The following DST variants were observed in gnomAD, a reference collection of about 807,000 sequenced individuals.
DST encodes the protein dystonin, also known as bullous pemphigoid antigen.
DST carries 253 observed loss-of-function variants against 875.2 expected under a neutral mutation model. The ratio of observed to expected loss-of-function variants is 0.29; its 90% CI spans 0.26 to 0.32. DST has a LOEUF of 0.32. DST is among the 10% of genes least tolerant of loss of function. The pLI, the probability that DST is intolerant of heterozygous loss-of-function variation, is 1.00. For missense variants in DST, 8,287 were observed against 9,111.6 expected (o/e 0.91, Z 3.68); for synonymous variants, 3,124 against 3,197.1 (o/e 0.98, Z 0.77).
chr6:56,552,510 A>T lies in DST; in HGVS notation c.16282T>A (p.Phe5428Ile). 6.2e-7 allele frequency: 1 copy of T among 1,613,944 alleles called. No individual in the cohort carries two copies. Among genetic ancestry groups the T allele is most frequent in the Non-Finnish European group, 8.5e-7 (1 of 1,179,880 alleles). ...LQKQKETIKA[F>I]LKKLEALMAS... is the part of the protein sequence containing the mutation. ...ATGAGGGCTTCTAGTTTCTTTAGAA[A>T]GGCTTTTATAGTTTCCTTTTGCTTT... The change falls in exon 61 of 104, where the codon TTT (phenylalanine) becomes ATT (isoleucine). Residue 5428 changes from phenylalanine to isoleucine, a missense_variant. This residue lies in a region of DST where 9 missense variants were observed against 25.2 expected (regional missense o/e 0.36). Coordinates refer to ENST00000680361, the MANE Select transcript of DST (RefSeq NM_001374736.1).
chr6:56,640,107 G>A, intron 18 of DST, 36 bp downstream of exon 18: 12 of 1,613,280 alleles, frequency 7.4e-6, no homozygotes, highest in Non-Finnish European at 9.3e-6. Context: ...TAACAATAAA[G>A]ACTGAAACAC....
At chr6:56,584,076 G>A (rs1443914979) in intron 49 of DST, among the ~76,000 whole-genome samples, 4 of 152,092 alleles carry the variant, frequency 2.6e-5, no homozygotes, top group African/African-American at 9.7e-5. Context: ...GGCGATGCGG[G>A]CTCTTTTTTG....
chr6:56,562,324 A>C, intron 55 of DST, 124 bp from the exon 56 acceptor site: 1 of 524,920 alleles, frequency 1.9e-6, no homozygotes, highest in Non-Finnish European at 3.2e-6. Context: ...CAACTTCAAA[A>C]TCAAATGAAG....
At chr6:56,677,823 A>T (rs1050514260) in intron 9 of DST, among the ~76,000 whole-genome samples, 1 of 152,118 alleles carries the variant, frequency 6.6e-6, no homozygotes, top group Non-Finnish European at 1.5e-5. Flanking sequence ...TCTGGGCTTT[A>T]TCTCTCCTGA....
At chr6:56,490,006 C>A (rs1434645805) in intron 85 of DST, among the ~76,000 whole-genome samples, 1 of 152,014 alleles carries the variant, frequency 6.6e-6, no homozygotes, top group African/African-American at 2.4e-5. Flanking sequence ...TCTGGGTTTA[C>A]TTCTAGGGAA....
Position 56,636,566 on chromosome 6 carries a change from C to T in DST, c.3051G>A (p.Ala1017=), listed in dbSNP as rs143352267. 140 of 1,612,630 alleles carry T rather than the reference C, an allele frequency of 8.7e-5. No homozygotes were observed. In the African/African-American group the frequency reaches 1.5e-3, roughly 18 times the overall value. ...GATTCTACTCACATACCTCGAAATA[C>T]GCTGTGTTCTCCTTTATGTGCTGCT... ...CVEQHIKENT[A]YFEFFNDAKE... Residue 1017 remains alanine, a synonymous_variant, in exon 23 of 104, where the codon GCG becomes GCA. Transcript: ENST00000680361.
chr6:56,808,806 A>C (rs1420236056), intron 4 of DST, among the ~76,000 whole-genome samples: 1 of 152,252 alleles, frequency 6.6e-6, no homozygotes, highest in Non-Finnish European at 1.5e-5. Flanking sequence ...GCACAAGCTA[A>C]TAATAGAAAC....
At chr6:56,474,210 G>A (rs1562225326) in intron 92 of DST, 1 of 427,970 alleles carries the variant, frequency 2.3e-6, no homozygotes, top group Non-Finnish European at 4.2e-6. Context: ...GTGGCCAGGT[G>A]CAGTGGCTCA....
In DST at chr6:56,625,253, T is replaced by C; in HGVS notation, c.4734A>G (p.Leu1578=). The C allele has an allele frequency of 6.2e-7, 1 of 1,610,062 alleles. No individual in the cohort carries two copies. Among genetic ancestry groups the C allele is most frequent in the Non-Finnish European group, 8.5e-7 (1 of 1,176,424 alleles). ...QYSATVKDYE[L]QTMTYRAMVD... Reference sequence around the variant, plus strand: ...CCATGGCCCGGTAGGTCATTGTTTGTAATTCATAGTCCTGTATAAAGGAGT... The same window carrying C: ...CCATGGCCCGGTAGGTCATTGTTTGCAATTCATAGTCCTGTATAAAGGAGT... The change falls in exon 35 of 104, where the codon TTA becomes TTG. Residue 1578 remains leucine, a synonymous_variant. Transcript: ENST00000680361.
chr6:56,879,411 C>A (rs1781009305), intron 3 of DST, among the ~76,000 whole-genome samples: 1 of 151,306 alleles, frequency 6.6e-6, no homozygotes, highest in Admixed American at 6.6e-5. Flanking sequence ...GTGGAGTTTG[C>A]AGTGAGCAGA....
chr6:56,719,096 CT>C (rs1385862904), intron 5 of DST, among the ~76,000 whole-genome samples: 2 of 152,014 alleles, frequency 1.3e-5, no homozygotes, highest in Non-Finnish European at 2.9e-5. Flanking sequence ...AGTCACACTC[CT>C]TTTGAAAAAA....
At chr6:56,925,418 GGAGT>G (rs1176197235) in intron 2 of DST, among the ~76,000 whole-genome samples, 1 of 152,198 alleles carries the variant, frequency 6.6e-6, no homozygotes, top group Non-Finnish European at 1.5e-5. Flanking sequence ...CCAGCAGTCA[GGAGT>G]TAAAGCACAC....
intron 4 of DST, among the ~76,000 whole-genome samples, chr6:56,812,034 G>A (rs928114356): frequency 6.7e-6 from 1 of 149,902 alleles, no homozygotes; most frequent in African/African-American, 2.5e-5. Flanking sequence ...CCCAGAAGGT[G>A]GAGATTGCAG....
intron 72 of DST, among the ~76,000 whole-genome samples, chr6:56,512,388 A>G (rs2096494423): frequency 6.6e-6 from 1 of 152,196 alleles, no homozygotes; most frequent in Non-Finnish European, 1.5e-5. Flanking sequence ...ATGGGTCAAA[A>G]CCAAAGCCAC....
intron 10 of DST, among the ~76,000 whole-genome samples, chr6:56,657,469 G>C (rs1161171940): frequency 6.6e-6 from 1 of 151,958 alleles, no homozygotes; most frequent in Non-Finnish European, 1.5e-5. Context: ...TAAACTTTGT[G>C]ACTTGAGATA....
intron 47 of DST, 23 bp from the exon 48 acceptor site, chr6:56,594,216 T>C (rs1490274588): frequency 4.7e-6 from 7 of 1,502,192 alleles, no homozygotes; most frequent in South Asian, 4.1e-5. Flanking sequence ...AAATTGATCA[T>C]AATCTTCAAG....
At chr6:56,536,714 T>G (rs1263025004) in intron 62 of DST, 65 bp downstream of exon 62, 1 of 1,414,106 alleles carries the variant, frequency 7.1e-7, no homozygotes, top group East Asian at 2.4e-5. Flanking sequence ...ATATGATTCA[T>G]GGTCACCACA....
At chr6:56,933,142 T>A (rs939847575) in intron 2 of DST, among the ~76,000 whole-genome samples, 13 of 152,058 alleles carry the variant, frequency 8.5e-5, no homozygotes, top group African/African-American at 2.9e-4. Context: ...CTGAAAGAAG[T>A]CACACCAGAA....
At chr6:56,651,685 T>A (rs2098976548) in intron 10 of DST, among the ~76,000 whole-genome samples, 1 of 152,140 alleles carries the variant, frequency 6.6e-6, no homozygotes, top group Non-Finnish European at 1.5e-5. Context: ...ATCTTTGTCT[T>A]CTATAATCCT....
Sources: gnomAD v4.1 joint callset for allele counts (sites outside exome capture counted in the v4.1 genomes callset) on GRCh38, gnomAD v4.1.1 for gene constraint, gnomAD v4.1.1 regional missense constraint, MANE v1.5 for transcripts, NCBI Gene and HGNC (gene_info 2026-07-23, HGNC 2026-07-21) for gene names.